The following PHF12 variants were observed in gnomAD, a reference collection of about 807,000 sequenced individuals.
PHF12 encodes the protein PHD finger protein 12.
PHF12 carries 6 observed loss-of-function variants against 99.8 expected under a neutral mutation model. That is an observed-to-expected ratio of 0.06 (90% CI 0.03 to 0.12). The LOEUF (loss-of-function observed/expected upper bound fraction) is 0.12, where lower values mean the gene tolerates loss of function less well. Among genes scored for constraint, PHF12 ranks in the 10% least tolerant of loss-of-function variants. The pLI, the probability that PHF12 is intolerant of heterozygous loss-of-function variation, is 1.00. For missense variants in PHF12, 954 were observed against 1,300.1 expected, an observed-to-expected ratio of 0.73 and a Z score of 4.09; for synonymous variants, 480 against 514.9, an observed-to-expected ratio of 0.93 and a Z score of 0.92.
At chr17:28,911,485 G>A (rs2039959954) in intron 9 of PHF12, 2 of 468,778 alleles carry the variant, frequency 4.3e-6, no homozygotes, top group Non-Finnish European at 7.6e-6. Context: ...CTGCTCTGGG[G>A]AAAGTGGTGG....
At chr17:28,928,758 C>T (rs192175737) in intron 2 of PHF12, among the ~76,000 whole-genome samples, 3 of 151,122 alleles carry the variant, frequency 2.0e-5, no homozygotes, top group African/African-American at 4.9e-5. Context: ...CTCCAGCCTG[C>T]GTGACAAAAC....
intron 4 of PHF12, 117 bp from the exon 5 acceptor site, chr17:28,921,925 T>C (rs958926526): frequency 1.4e-6 from 2 of 1,395,458 alleles, no homozygotes; most frequent in Admixed American, 4.7e-5. Context: ...GGCCTAAGCA[T>C]GAATTGCTCT....
intron 2 of PHF12, among the ~76,000 whole-genome samples, chr17:28,946,489 A>T (rs1055851302): frequency 6.6e-6 from 1 of 151,892 alleles, no homozygotes; most frequent in Non-Finnish European, 1.5e-5. Context: ...TCTTAGAAAG[A>T]TCTCCTGTGG....
At chr17:28,948,023 A>T (rs529338016) in intron 2 of PHF12, among the ~76,000 whole-genome samples, 2 of 152,298 alleles carry the variant, frequency 1.3e-5, no homozygotes, top group African/African-American at 4.8e-5. Flanking sequence ...AAGACTTTAG[A>T]CTCGTCTAAT....
chr17:28,929,283 C>T (rs1012018520), intron 2 of PHF12, among the ~76,000 whole-genome samples: 5 of 151,234 alleles, frequency 3.3e-5, no homozygotes, highest in African/African-American at 1.2e-4. Flanking sequence ...GCTCTTGTTG[C>T]CCAGGCTGGA....
chr17:28,911,310 G>T (rs748160127), intron 9 of PHF12, 73 bp from the exon 10 acceptor site: 29 of 1,588,898 alleles, frequency 1.8e-5, no homozygotes, highest in Non-Finnish European at 2.5e-5. Context: ...CCACTGCTGA[G>T]ACAGGTCTGG....
In PHF12 at chr17:28,918,256, CTTTAAG is replaced by C. The variant is rs556936718; in HGVS notation, c.970-813_970-808del. Among the ~76,000 whole-genome samples, 42 of 152,268 alleles carry C rather than the reference CTTTAAG, an allele frequency of 2.8e-4. No homozygotes were observed. The East Asian group carries it at 7.9e-3, about 29-fold the overall frequency. On this transcript the variant is annotated intron_variant, in intron 6 of 14. Transcript: ENST00000332830. The stretch of plus-strand genomic sequence containing the variant: ...ATTTCTCAACTGCTAGAAAGCTGCT[CTTTAAG>C]TTTCACATTTGGGTAAACTGCTTAT...
At chr17:28,919,058 C>A in intron 6 of PHF12, 85 bp downstream of exon 6, 1 of 1,483,354 alleles carries the variant, frequency 6.7e-7, no homozygotes, top group Non-Finnish European at 9.1e-7. Flanking sequence ...AACTTGGCAC[C>A]AAGCTGACCT....
rs1355958461 is a variant in PHF12, at chr17:28,950,569, C to T, written c.67-323G>A. On this transcript the variant is annotated intron_variant, in intron 1 of 14. Coordinates refer to ENST00000332830, the MANE Select transcript of PHF12 (RefSeq NM_001033561.2). This position sits in a 1 kb window ranked among gnomAD's most constrained non-coding sequence, Gnocchi z 5.7. ...TCCAAAGACCCGCTCGGGAGAGGCC[C>T]AAAGCCCGGTACCCGGACGTGCTGG... is the stretch of plus-strand genomic sequence containing the variant. 2 of 518,176 alleles carry T rather than the reference C, an allele frequency of 3.9e-6. No individual in the cohort carries two copies. Among genetic ancestry groups the T allele is most frequent in the Admixed American group, 3.5e-5 (1 of 28,412 alleles). The allele number at this position is 518,176 out of a possible 1,614,324, so 32.1% of individuals were successfully genotyped here.
Position 28,950,369 on chromosome 17 carries a change from A to C in PHF12, c.67-123T>G. The C allele has an allele frequency of 9.0e-7, 1 of 1,113,964 alleles. No homozygotes were observed. Among genetic ancestry groups the C allele is most frequent in the South Asian group, 1.6e-5 (1 of 62,530 alleles). 69.0% of individuals were successfully genotyped at this position (1,113,964 alleles called of 1,614,324 possible). On this transcript the variant is annotated intron_variant, in intron 1 of 14. Coordinates refer to ENST00000332830, the MANE Select transcript of PHF12 (RefSeq NM_001033561.2). This position sits in a 1 kb window ranked among gnomAD's most constrained non-coding sequence, Gnocchi z 5.7. ...CCTTTTGTCCTTCTTCCTCCCATCC[A>C]GGCTGCTCCCAGAATCTCTCAGCCC...
At chr17:28,926,020 G>C (rs936797821) in intron 3 of PHF12, 1 of 152,316 alleles carries the variant, frequency 6.6e-6, no homozygotes, top group Non-Finnish European at 1.5e-5. Context: ...GGAAGGTGGA[G>C]AGGCTGGAAG....
chr17:28,945,540 T>A (rs1351062095), intron 2 of PHF12: 1 of 152,326 alleles, frequency 6.6e-6, no homozygotes, highest in South Asian at 2.1e-4. Flanking sequence ...GTAGATGCAC[T>A]TCTCTATCAG....
intron 3 of PHF12, chr17:28,925,209 A>T (rs188074651): frequency 2.6e-5 from 4 of 152,334 alleles, no homozygotes; most frequent in Admixed American, 1.3e-4. Context: ...TCTGCCACGG[A>T]TCCCCTCTGA....
intron 2 of PHF12, chr17:28,927,817 T>A (rs1216805359): frequency 6.6e-6 from 1 of 152,170 alleles, no homozygotes; most frequent in Non-Finnish European, 1.5e-5. Flanking sequence ...GGTATTCCAA[T>A]CAACAGTTTT....
chr17:28,909,026 G>A, intron 11 of PHF12, 145 bp from the exon 12 acceptor site: 1 of 725,396 alleles, frequency 1.4e-6, no homozygotes, highest in South Asian at 1.7e-5. Context: ...ATCCAACACT[G>A]AGCTGCGGCA....
chr17:28,948,732 T>G (rs963012985), intron 2 of PHF12, among the ~76,000 whole-genome samples: 2 of 151,896 alleles, frequency 1.3e-5, no homozygotes, highest in African/African-American at 4.8e-5. Context: ...TTGAGAGACC[T>G]TCGGTGAAAT....
At chr17:28,938,836 G>A (rs1339028934) in intron 2 of PHF12, among the ~76,000 whole-genome samples, 2 of 152,104 alleles carry the variant, frequency 1.3e-5, no homozygotes, top group African/African-American at 4.8e-5. Flanking sequence ...AAGCCTTCCA[G>A]TTATACCCAC....
intron 7 of PHF12, among the ~76,000 whole-genome samples, chr17:28,916,337 G>C (rs559847822): frequency 6.6e-6 from 1 of 152,300 alleles, no homozygotes; most frequent in South Asian, 2.1e-4. Flanking sequence ...TGGTATTACA[G>C]GTGCCTGCCA....
rs1391834460 is a variant in PHF12, at chr17:28,950,712, A to G, written c.66+183T>C. On this transcript the variant is annotated intron_variant, in intron 1 of 14. Transcript: ENST00000332830. The surrounding 1 kb of genome is among the most constrained non-coding windows in gnomAD (Gnocchi z 5.7). ...GGCGGCGGGTAGGTGAAACTGCTGCAAACGTCCTCGGAGGCTGAGCTCAGC... is the reference window on the plus strand; with the variant it reads ...GGCGGCGGGTAGGTGAAACTGCTGCGAACGTCCTCGGAGGCTGAGCTCAGC... 2.3e-6 allele frequency: 2 copies of G among 853,218 alleles called. No homozygotes were observed. Among genetic ancestry groups the G allele is most frequent in the African/African-American group, 3.5e-5 (2 of 56,764 alleles). 52.9% of individuals were successfully genotyped at this position (853,218 alleles called of 1,614,324 possible).
Sources: allele counts gnomAD v4.1 joint callset (sites outside exome capture counted in the v4.1 genomes callset), GRCh38; gene constraint gnomAD v4.1.1; non-coding constraint Gnocchi (gnomAD v3.1); transcripts MANE v1.5; gene names NCBI Gene and HGNC (gene_info 2026-07-23, HGNC 2026-07-21).